The following SLC71A1 variants were observed in gnomAD, a reference collection of about 807,000 sequenced individuals.
SLC71A1 encodes hippocampus abundant gene transcript 1.
chr1:100,038,835 G>A, the SLC71A1 span, among the ~76,000 whole-genome samples: 1 of 152,240 alleles, frequency 6.6e-6, no homozygotes, highest in African/African-American at 2.4e-5. Context: ...ACGTCTCTCT[G>A]CGTCGGTGCT....
At chr1:100,081,665 C>T in the SLC71A1 span, among the ~76,000 whole-genome samples, 1 of 152,200 alleles carries the variant, frequency 6.6e-6, no homozygotes, top group East Asian at 1.9e-4. Flanking sequence ...CTTGAGCCAA[C>T]ACGTGCAGCC....
the SLC71A1 span, among the ~76,000 whole-genome samples, chr1:100,046,012 T>C: frequency 1.1e-4 from 17 of 152,200 alleles, no homozygotes; most frequent in African/African-American, 3.6e-4. Flanking sequence ...TAGCACCATT[T>C]AGGAGACTAT....
At chr1:100,043,138 G>A in the SLC71A1 span, 8 of 983,202 alleles carry the variant, frequency 8.1e-6, no homozygotes, top group African/African-American at 5.2e-5. Context: ...TAATCAGACC[G>A]TCTGCAGAAA....
the SLC71A1 span, among the ~76,000 whole-genome samples, chr1:100,042,532 C>G: frequency 6.6e-6 from 1 of 151,982 alleles, no homozygotes; most frequent in South Asian, 2.1e-4. Context: ...TTTGTAGACC[C>G]AGAGAGCTGT....
the SLC71A1 span, among the ~76,000 whole-genome samples, chr1:100,073,266 C>T: frequency 6.6e-6 from 1 of 152,180 alleles, no homozygotes; most frequent in African/African-American, 2.4e-5. Context: ...TTCCATCTTG[C>T]CTCACTATAG....
At chr1:100,081,768 T>G in the SLC71A1 span, among the ~76,000 whole-genome samples, 2 of 152,212 alleles carry the variant, frequency 1.3e-5, no homozygotes, top group African/African-American at 2.4e-5. Flanking sequence ...GTGCTGAAAG[T>G]AATGATGTAA....
the SLC71A1 span, chr1:100,082,017 T>C: frequency 2.3e-4 from 374 of 1,612,490 alleles, no homozygotes; most frequent in Non-Finnish European, 3.0e-4. Flanking sequence ...CCATCATCCC[T>C]GGCCCTCCCT....
chr1:100,064,348 T>C, the SLC71A1 span, among the ~76,000 whole-genome samples: 1 of 152,166 alleles, frequency 6.6e-6, no homozygotes, highest in Non-Finnish European at 1.5e-5. Context: ...GCCAGTCTTG[T>C]CTTGAACTCC....
chr1:100,075,014 AG>A, the SLC71A1 span, among the ~76,000 whole-genome samples: 1 of 152,262 alleles, frequency 6.6e-6, no homozygotes, highest in African/African-American at 2.4e-5. Flanking sequence ...CTTTCCACAA[AG>A]GGGAAGATAG....
chr1:100,082,249 C>CTTAG, the SLC71A1 span: 1 of 1,505,820 alleles, frequency 6.6e-7, no homozygotes, highest in Non-Finnish European at 9.2e-7. Context: ...GCACCCAGGT[C>CTTAG]TTAGTTTTCA....
At chr1:100,047,360 A>G in the SLC71A1 span, among the ~76,000 whole-genome samples, 2 of 152,190 alleles carry the variant, frequency 1.3e-5, no homozygotes, top group Non-Finnish European at 2.9e-5. Context: ...TGATAGATTT[A>G]TGTATGTTGG....
the SLC71A1 span, among the ~76,000 whole-genome samples, chr1:100,039,462 A>T: frequency 6.6e-6 from 1 of 152,238 alleles, no homozygotes; most frequent in Non-Finnish European, 1.5e-5. Context: ...AGAAAACTTG[A>T]GACATATGTA....
At chr1:100,071,506 G>A in the SLC71A1 span, among the ~76,000 whole-genome samples, 1 of 152,082 alleles carries the variant, frequency 6.6e-6, no homozygotes, top group East Asian at 1.9e-4. Flanking sequence ...CAGTTAGTAT[G>A]TGTAGAACTT....
chr1:100,061,524 T>G, the SLC71A1 span, among the ~76,000 whole-genome samples: 1 of 152,188 alleles, frequency 6.6e-6, no homozygotes, highest in African/African-American at 2.4e-5. Flanking sequence ...AGACTTTAGT[T>G]TGTTGCTGTT....
At chr1:100,043,721 C>G in the SLC71A1 span, among the ~76,000 whole-genome samples, 7 of 152,202 alleles carry the variant, frequency 4.6e-5, no homozygotes, top group African/African-American at 1.7e-4. Context: ...CTCAAGCTTC[C>G]CCCCCATCCT....
chr1:100,080,492 G>A, the SLC71A1 span: 9 of 1,612,274 alleles, frequency 5.6e-6, no homozygotes, highest in Non-Finnish European at 7.6e-6. Context: ...TTTAAACAAT[G>A]TAGGTGTCGT....
At chr1:100,049,662 C>T in the SLC71A1 span, among the ~76,000 whole-genome samples, 1 of 152,170 alleles carries the variant, frequency 6.6e-6, no homozygotes, top group Admixed American at 6.5e-5. Context: ...ATATTTCCCA[C>T]CTCCCAAGCT....
the SLC71A1 span, among the ~76,000 whole-genome samples, chr1:100,062,905 GTCTC>G: frequency 1.8e-5 from 2 of 113,924 alleles, no homozygotes; most frequent in African/African-American, 6.6e-5. Context: ...GTGAAACCTT[GTCTC>G]TATTTAAAAA....
chr1:100,060,750 A>ATT, the SLC71A1 span, among the ~76,000 whole-genome samples: 2 of 146,020 alleles, frequency 1.4e-5, no homozygotes, highest in African/African-American at 5.0e-5. Context: ...TAAAATCAGT[A>ATT]TTTTTTTTTT....
Sources: allele counts gnomAD v4.1 joint callset (sites outside exome capture counted in the v4.1 genomes callset), GRCh38; gene constraint gnomAD v4.1.1; transcripts MANE v1.5; gene names NCBI Gene and HGNC (gene_info 2026-07-23, HGNC 2026-07-21).